Variants in TTF2 observed in about 807,000 individuals in gnomAD.
The protein encoded by TTF2 is transcription termination factor 2, also known as RNA polymerase II termination factor.
Under a neutral mutation model 142.4 loss-of-function variants are expected in TTF2, and 108 were observed. That is an observed-to-expected ratio of 0.76 (90% confidence interval 0.65 to 0.89). The LOEUF (loss-of-function observed/expected upper bound fraction) is 0.89, where lower values mean the gene tolerates loss of function less well. Ranked by LOEUF, TTF2 falls within the 40% of genes least tolerant of loss-of-function variation. TTF2 has a pLI of 0.00. For synonymous variants in TTF2, 483 were observed against 506.2 expected (o/e 0.95, Z 0.61); for missense variants, 1,327 against 1,379.8 (o/e 0.96, Z 0.61).
chr1:117,101,521 C>T lies in TTF2; in HGVS notation c.3486C>T (p.Ile1162=). The change falls in exon 23 of 23, where the codon ATC becomes ATT. Residue 1162 remains isoleucine, a synonymous_variant. Transcript: ENST00000369466. This position sits in a 1 kb window ranked among gnomAD's most constrained non-coding sequence, Gnocchi z 5.9. ...TLADLRVLFG[I] is the part of the protein sequence containing the mutation. The stretch of plus-strand genomic sequence containing the variant: ...CTGACCTCAGAGTCCTTTTTGGCAT[C>T]TAACCTCCTGTGGATAAGGGCTCAG... 6.3e-7 allele frequency: 1 copy of T among 1,586,240 alleles called. No individual in the cohort carries two copies. Among genetic ancestry groups the T allele is most frequent in the East Asian group, 2.2e-5 (1 of 44,642 alleles).
rs530457848 is a variant in TTF2 at position 117,104,185 on chromosome 1, C to A, written c.*2661C>A. ...TGGCTCCCAGGCCAGCAAGAATGTACAAACCTGGCTCTGCCATTTGCTGAT... is the reference window on the plus strand; with the variant it reads ...TGGCTCCCAGGCCAGCAAGAATGTAAAAACCTGGCTCTGCCATTTGCTGAT... On this transcript the variant is annotated 3_prime_UTR_variant, in exon 23 of 23. Transcript: ENST00000369466. The A allele has an allele frequency of 6.6e-6, 1 of 152,338 alleles. No individual in the cohort carries two copies. The highest frequency in any genetic ancestry group is 1.9e-4 in the East Asian group (1 of 5,190). The allele number at this position is 152,338 out of a possible 1,614,324, so 9.4% of individuals were successfully genotyped here.
rs1310824288 is a variant in TTF2, at chr1:117,102,139, C to G, written c.*615C>G. 1 of 152,182 alleles carries G rather than the reference C, an allele frequency of 6.6e-6. No individual in the cohort carries two copies. The highest frequency in any genetic ancestry group is 1.5e-5 in the Non-Finnish European group (1 of 68,086). The allele number at this position is 152,182 out of a possible 1,614,324, so 9.4% of individuals were successfully genotyped here. A position where few individuals can be genotyped will look rare whatever the true frequency, so the allele number is the denominator to read the frequency against. Reference sequence around the variant, plus strand: ...CCTGGGCAATACAGTGAGACCCTGTCTCAAAAAAAGGAAAAAAAAGCTCAA... The same window carrying G: ...CCTGGGCAATACAGTGAGACCCTGTGTCAAAAAAAGGAAAAAAAAGCTCAA... On this transcript the variant is annotated 3_prime_UTR_variant, in exon 23 of 23. Coordinates refer to ENST00000369466, the MANE Select transcript of TTF2 (RefSeq NM_003594.4).
rs780019000 is a variant in TTF2, at chr1:117,075,302, T to C, written c.718T>C (p.Ser240Pro). Residue 240 changes from serine (S) to proline (P), a missense_variant, in exon 5 of 23, where the codon TCA (serine) becomes CCA (proline). Transcript: ENST00000369466. This position sits in a 1 kb window ranked among gnomAD's most constrained non-coding sequence, Gnocchi z 4.5. The part of the protein sequence containing the change: ...TRPSASSQEK[S>P]SGKSQDVQRE... Reference sequence around the variant, plus strand: ...ACCATCTGCATCTTCTCAGGAGAAATCAAGTGGTAAGAGTCAAGATGTCCA... The same window carrying C: ...ACCATCTGCATCTTCTCAGGAGAAACCAAGTGGTAAGAGTCAAGATGTCCA... 5 of 1,614,064 alleles carry C rather than the reference T, an allele frequency of 3.1e-6. No homozygotes were observed. The East Asian group carries it at 1.1e-4, about 36-fold the overall frequency.
rs1215818210 is a variant in TTF2 at position 117,084,179 on chromosome 1, G to T, written c.2054+11G>T. On this transcript the variant is annotated intron_variant, in intron 11 of 22. Coordinates refer to ENST00000369466, the MANE Select transcript of TTF2 (RefSeq NM_003594.4). ...TTCACGTGCCAGAGTGTAAGTGCAGGAATACGCAGTTGTGGGGGCGTTCAG... is the reference window on the plus strand; with the variant it reads ...TTCACGTGCCAGAGTGTAAGTGCAGTAATACGCAGTTGTGGGGGCGTTCAG... 1.9e-6 allele frequency: 3 copies of T among 1,613,968 alleles called. No homozygotes were observed. Among genetic ancestry groups the T allele is most frequent in the Non-Finnish European group, 2.5e-6 (3 of 1,179,974 alleles).
At chr1:117,068,675 TG>T (rs1656350895) in intron 3 of TTF2, among the ~76,000 whole-genome samples, 1 of 152,214 alleles carries the variant, frequency 6.6e-6, no homozygotes, top group South Asian at 2.1e-4. Flanking sequence ...TGTTGGCTAT[TG>T]GGTGAAATTG....
chr1:117,073,760 GT>G lies in TTF2; in HGVS notation c.285+34del, dbSNP rs1230102508. 1 of 1,597,172 alleles carries G rather than the reference GT, an allele frequency of 6.3e-7. No homozygotes were observed. The highest frequency in any genetic ancestry group is 1.1e-5 in the South Asian group (1 of 89,602). On this transcript the variant is annotated intron_variant, in intron 4 of 22. Transcript: ENST00000369466. The surrounding 1 kb of genome is among the most constrained non-coding windows in gnomAD (Gnocchi z 4.4). The stretch of plus-strand genomic sequence containing the variant: ...TTATTCATCTGTTTTCAAACCTGCT[GT>G]GTTAAGACTTTTAATATGCAGCATC...
intron 21 of TTF2, 102 bp from the exon 22 acceptor site, chr1:117,098,731 G>T: frequency 1.1e-6 from 1 of 948,610 alleles, no homozygotes. Flanking sequence ...ATAATTTTTA[G>T]CTACAAAAAC....
intron 11 of TTF2, among the ~76,000 whole-genome samples, chr1:117,084,776 G>A (rs997472471): frequency 6.6e-6 from 1 of 152,100 alleles, no homozygotes; most frequent in Non-Finnish European, 1.5e-5. Context: ...TCTTAATTGC[G>A]GAGTGAAGAT....
rs184403250 is a variant in TTF2, at chr1:117,070,800, G to A, written c.219-2861G>A. ...AAATTGTGTTTGTACAAGAGGGAGG[G>A]GCTGGACCTATTTTCTTTTTAGCTT... On this transcript the variant is annotated intron_variant, in intron 3 of 22. Coordinates refer to ENST00000369466, the MANE Select transcript of TTF2 (RefSeq NM_003594.4). This position sits in a 1 kb window ranked among gnomAD's most constrained non-coding sequence, Gnocchi z 4.2. 2.6e-3 allele frequency among the ~76,000 whole-genome samples: 395 copies of A among 152,108 alleles called. 1 individual carries two copies. Among genetic ancestry groups the A allele is most frequent in the Non-Finnish European group, 4.3e-3 (289 of 67,998 alleles).
In TTF2 at chr1:117,090,533, T is replaced by G; in HGVS notation, c.2498T>G (p.Val833Gly). 6.2e-7 allele frequency: 1 copy of G among 1,613,026 alleles called. No homozygotes were observed. Among genetic ancestry groups the G allele is most frequent in the Non-Finnish European group, 8.5e-7 (1 of 1,179,522 alleles). Reference protein sequence around the residue: ...DQLDSTGRPLVILPQRKFQLH... With the variant: ...DQLDSTGRPLGILPQRKFQLH... ...CAGCTTTTTTTTTTATTCTTCCAGG[T>G]GATACTGCCCCAGCGTAAATTTCAG... Residue 833 changes from valine to glycine, a missense_variant and splice_region_variant, in exon 15 of 23, where the codon GTG (valine) becomes GGG (glycine). Val to Gly is a moderately radical substitution (Grantham distance 109, BLOSUM62 -3). Transcript: ENST00000369466. This position sits in a 1 kb window ranked among gnomAD's most constrained non-coding sequence, Gnocchi z 4.8.
chr1:117,063,377 C>A lies in TTF2; in HGVS notation c.218+904C>A, dbSNP rs994954655. ...TATTACCCCAATAAGTGCCATCAGT[C>A]CCCTTCAAGTTAATTTCACCCCTCC... On this transcript the variant is annotated intron_variant, in intron 3 of 22. Transcript: ENST00000369466. The surrounding 1 kb of genome is among the most constrained non-coding windows in gnomAD (Gnocchi z 4.1). Among the ~76,000 whole-genome samples, 1 of 152,134 alleles carries A rather than the reference C, an allele frequency of 6.6e-6. No individual in the cohort carries two copies. Among genetic ancestry groups the A allele is most frequent in the Non-Finnish European group, 1.5e-5 (1 of 68,016 alleles).
chr1:117,071,266 A>T (rs1490688445), intron 3 of TTF2, among the ~76,000 whole-genome samples: 4 of 152,114 alleles, frequency 2.6e-5, no homozygotes, highest in Non-Finnish European at 4.4e-5. Flanking sequence ...GCCCACCAAG[A>T]GGGTTCTGGT....
intron 19 of TTF2, 34 bp downstream of exon 19, chr1:117,095,401 C>T (rs977713651): frequency 1.2e-6 from 2 of 1,601,772 alleles, no homozygotes; most frequent in Non-Finnish European, 1.7e-6. Flanking sequence ...AAGTATTGGT[C>T]ATAATTATGT....
rs998287828 is a variant in TTF2 at position 117,092,798 on chromosome 1, T to C, written c.2873T>C (p.Leu958Ser). The change falls in exon 18 of 23, where the codon TTG becomes TCG. Residue 958 changes from leucine (L) to serine (S), a missense_variant. Coordinates refer to ENST00000369466, the MANE Select transcript of TTF2 (RefSeq NM_003594.4). The surrounding 1 kb of genome is among the most constrained non-coding windows in gnomAD (Gnocchi z 4.4). ...VLSLEEQLSA[L>S]TLSELRDSEP... ...TCCCTGGAAGAACAGCTCAGTGCTTTGACCTTGTCAGAACTCCGTGACTCA... is the reference window on the plus strand; with the variant it reads ...TCCCTGGAAGAACAGCTCAGTGCTTCGACCTTGTCAGAACTCCGTGACTCA... 1.2e-5 allele frequency: 19 copies of C among 1,614,102 alleles called. No individual in the cohort carries two copies. The highest frequency in any genetic ancestry group is 1.5e-5 in the Non-Finnish European group (18 of 1,180,052).
rs1275234223 is a variant in TTF2, at chr1:117,096,136, T to G, written c.3036-13T>G. ...TATGTTAGGGTATTTTTTTATTTTATTCTTCTTTCCAGTGTCATTGTCTCT... is the reference window on the plus strand; with the variant it reads ...TATGTTAGGGTATTTTTTTATTTTAGTCTTCTTTCCAGTGTCATTGTCTCT... On this transcript the variant is annotated splice_polypyrimidine_tract_variant and intron_variant, in intron 19 of 22. Transcript: ENST00000369466. 1.4e-5 allele frequency: 22 copies of G among 1,613,912 alleles called. No individual in the cohort carries two copies. Among genetic ancestry groups the G allele is most frequent in the Non-Finnish European group, 1.9e-5 (22 of 1,179,886 alleles).
chr1:117,087,212 T>TTTTCTGACTTATA lies in TTF2; in HGVS notation c.2160+690_2160+691insTTTCTGACTTATA, dbSNP rs1439492579. ...CTTATAACCAACTCTGACTTATAGA[T>TTTTCTGACTTATA]GATGAACTTTTCAGATTGCTCACTG... On this transcript the variant is annotated intron_variant, in intron 12 of 22. Transcript: ENST00000369466. The surrounding 1 kb of genome is among the most constrained non-coding windows in gnomAD (Gnocchi z 4.8). Among the ~76,000 whole-genome samples the TTTTCTGACTTATA allele has an allele frequency of 6.6e-6, 1 of 152,240 alleles. No homozygotes were observed. Among genetic ancestry groups the TTTTCTGACTTATA allele is most frequent in the Non-Finnish European group, 1.5e-5 (1 of 68,054 alleles).
At chr1:117,069,169 G>A (rs143278480) in intron 3 of TTF2, among the ~76,000 whole-genome samples, 11 of 151,946 alleles carry the variant, frequency 7.2e-5, no homozygotes, top group Non-Finnish European at 1.5e-4. Flanking sequence ...GTAGACATTC[G>A]GCTTTATGTT....
At chr1:117,072,422 CTT>C (rs34927356) in intron 3 of TTF2, among the ~76,000 whole-genome samples, 4 of 102,040 alleles carry the variant, frequency 3.9e-5, no homozygotes, top group Non-Finnish European at 7.6e-5. Flanking sequence ...AAGATACGGA[CTT>C]TTTTTTTTTT....
Position 117,086,954 on chromosome 1 carries a change from A to G in TTF2, c.2160+432A>G, listed in dbSNP as rs1648071443. 6.6e-6 allele frequency among the ~76,000 whole-genome samples: 1 copy of G among 152,176 alleles called. No homozygotes were observed. The highest frequency in any genetic ancestry group is 2.4e-5 in the African/African-American group (1 of 41,420). ...CCTCCCTTTACTTCCCAGAAAAAAA[A>G]AAAGGGTTGCAAATAATAAGGCCAG... On this transcript the variant is annotated intron_variant, in intron 12 of 22. Coordinates refer to ENST00000369466, the MANE Select transcript of TTF2 (RefSeq NM_003594.4). This position sits in a 1 kb window ranked among gnomAD's most constrained non-coding sequence, Gnocchi z 4.2.
Sources: allele counts gnomAD v4.1 joint callset (sites outside exome capture counted in the v4.1 genomes callset), GRCh38; gene constraint gnomAD v4.1.1; non-coding constraint Gnocchi (gnomAD v3.1); transcripts MANE v1.5; gene names NCBI Gene and HGNC (gene_info 2026-07-23, HGNC 2026-07-21).